ZCCHC2: variants seen among roughly 807,000 people sequenced by gnomAD.
The protein encoded by ZCCHC2 is zinc finger CCHC-type containing 2, also known as zinc finger CCHC domain-containing protein 2.
ZCCHC2 carries 39 observed loss-of-function variants against 103.6 expected under a neutral mutation model. The ratio of observed to expected loss-of-function variants is 0.38; its 90% CI spans 0.29 to 0.49. The LOEUF is 0.49. Ranked by LOEUF, ZCCHC2 falls within the 20% of genes least tolerant of loss-of-function variation. The probability of loss-of-function intolerance (pLI) is 0.96; values close to 1 mark genes in which losing one functional copy is unlikely to be tolerated. For synonymous variants in ZCCHC2, 687 were observed against 608.9 expected, an observed-to-expected ratio of 1.13 and a Z score of -1.89; for missense variants, 1,483 against 1,491.0, an observed-to-expected ratio of 0.99 and a Z score of 0.09.
chr18:62,544,935 A>C, intron 4 of ZCCHC2, 62 bp downstream of exon 4: 52 of 1,324,364 alleles, frequency 3.9e-5, no homozygotes, highest in Non-Finnish European at 4.5e-5. Flanking sequence ...CAGAAACCTC[A>C]ACGTCAAAAA....
Position 62,523,349 on chromosome 18 carries a change from C to A in ZCCHC2, c.-76C>A. ...GGCCCCGCTCCTGACGGCCGCGCCG[C>A]CGCCTCGGCCCGTGCTCCACCTCGC... On this transcript the variant is annotated 5_prime_UTR_variant, in exon 1 of 14. Coordinates refer to ENST00000269499, the MANE Select transcript of ZCCHC2 (RefSeq NM_017742.6). 1.0e-6 allele frequency: 1 copy of A among 992,338 alleles called. No homozygotes were observed. The highest frequency in any genetic ancestry group is 1.8e-5 in the African/African-American group (1 of 56,978). 61.5% of individuals were successfully genotyped at this position (992,338 alleles called of 1,614,324 possible). A position where few individuals can be genotyped will look rare whatever the true frequency, so the allele number is the denominator to read the frequency against.
intron 13 of ZCCHC2, among the ~76,000 whole-genome samples, chr18:62,575,833 A>G (rs558905674): frequency 6.6e-6 from 1 of 152,160 alleles, no homozygotes; most frequent in South Asian, 2.1e-4. Flanking sequence ...GTAATGTTAA[A>G]TCTCTTGCTT....
At chr18:62,579,745 A>G (rs775245976), downstream of ZCCHC2, among the ~76,000 whole-genome samples, 2 of 151,644 alleles carry the variant, frequency 1.3e-5, no homozygotes. Context: ...TTTGTGAGAC[A>G]TGCTTTAGCT....
chr18:62,564,933 C>G (rs1475962293), intron 10 of ZCCHC2, 69 bp from the exon 11 acceptor site: 1 of 1,101,450 alleles, frequency 9.1e-7, no homozygotes, highest in Non-Finnish European at 1.3e-6. Flanking sequence ...GAAATTTTAT[C>G]AATACTGTAC....
intron 1 of ZCCHC2, among the ~76,000 whole-genome samples, chr18:62,530,262 G>C (rs1914622540): frequency 6.6e-6 from 1 of 152,122 alleles, no homozygotes; most frequent in South Asian, 2.1e-4. Flanking sequence ...GGCTTGGAGG[G>C]TTACGTTTCA....
At position 62,565,105 on chromosome 18, in the gene ZCCHC2, G is replaced by A; in HGVS notation, c.1846+9G>A. The A allele has an allele frequency of 1.3e-6, 2 of 1,597,404 alleles. No individual in the cohort carries two copies. Among genetic ancestry groups the A allele is most frequent in the Non-Finnish European group, 1.7e-6 (2 of 1,165,830 alleles). On this transcript the variant is annotated intron_variant, in intron 11 of 13. Transcript: ENST00000269499. ...TGGTGGTACTGTGAAAGGTAAGAAG[G>A]TTATTTTTCTTTCAAATACCCATCA...
rs767413371 is a variant in ZCCHC2, at chr18:62,575,118, G to A, written c.3037G>A (p.Gly1013Ser). The part of the protein sequence containing the change: ...PPQQMGSGPC[G>S]SCGRRCSCGT... The stretch of plus-strand genomic sequence containing the variant: ...GCAGCAGATGGGCTCAGGTCCTTGT[G>A]GTTCTTGTGGGCGAAGGTGCAGCTG... The change falls in exon 13 of 14, where the codon GGT becomes AGT. Residue 1013 changes from glycine to serine, a missense_variant. This residue lies in a region of ZCCHC2 where 884 missense variants were observed against 907.5 expected (regional missense o/e 0.97). Coordinates refer to ENST00000269499, the MANE Select transcript of ZCCHC2 (RefSeq NM_017742.6). The A allele has an allele frequency of 6.2e-7, 1 of 1,614,026 alleles. No individual in the cohort carries two copies. Among genetic ancestry groups the A allele is most frequent in the Non-Finnish European group, 8.5e-7 (1 of 1,179,878 alleles).
At chr18:62,553,375 T>TA (rs1230731196) in intron 5 of ZCCHC2, among the ~76,000 whole-genome samples, 1 of 152,176 alleles carries the variant, frequency 6.6e-6, no homozygotes, top group Non-Finnish European at 1.5e-5. Flanking sequence ...CAACATATTT[T>TA]ACGTCCATTT....
intron 1 of ZCCHC2, among the ~76,000 whole-genome samples, chr18:62,527,163 C>G (rs1914463874): frequency 6.6e-6 from 1 of 152,110 alleles, no homozygotes; most frequent in Non-Finnish European, 1.5e-5. Context: ...AAGTTAGCAT[C>G]TTTTTAATTC....
chr18:62,545,702 T>G (rs978600654), intron 4 of ZCCHC2, among the ~76,000 whole-genome samples: 2 of 152,242 alleles, frequency 1.3e-5, no homozygotes, highest in Admixed American at 6.5e-5. Flanking sequence ...AGTAGAGAGA[T>G]AAAGCAGAAA....
chr18:62,526,613 CCCGCCG>C (rs905748419), intron 1 of ZCCHC2, among the ~76,000 whole-genome samples: 3 of 151,992 alleles, frequency 2.0e-5, no homozygotes, highest in South Asian at 2.1e-4. Context: ...TTCTCGGCCT[CCCGCCG>C]CCGCCGCCGC....
intron 4 of ZCCHC2, among the ~76,000 whole-genome samples, chr18:62,547,492 TAGC>T (rs1170309185): frequency 1.3e-5 from 2 of 151,932 alleles, no homozygotes; most frequent in Non-Finnish European, 1.5e-5. Context: ...CCCATACAAA[TAGC>T]AGCCTGTGTC....
chr18:62,583,869 G>C (rs957753064), intron 14 of ZCCHC2, among the ~76,000 whole-genome samples: 10 of 152,160 alleles, frequency 6.6e-5, no homozygotes, highest in Non-Finnish European at 1.5e-4. Context: ...CTGAGAGGCA[G>C]GTGTCAGCTC....
chr18:62,526,770 G>A (rs1914423448), intron 1 of ZCCHC2: 2 of 152,114 alleles, frequency 1.3e-5, no homozygotes, highest in South Asian at 4.1e-4. Flanking sequence ...GCGATATAGG[G>A]TCCGTGGCGC....
chr18:62,552,959 C>G (rs986738847), intron 5 of ZCCHC2, among the ~76,000 whole-genome samples: 5 of 150,830 alleles, frequency 3.3e-5, no homozygotes, highest in African/African-American at 1.2e-4. Flanking sequence ...CAGCTTTGAT[C>G]ATACTTGGCC....
intron 1 of ZCCHC2, among the ~76,000 whole-genome samples, chr18:62,528,881 C>T (rs1392930232): frequency 6.6e-6 from 1 of 151,994 alleles, no homozygotes; most frequent in Non-Finnish European, 1.5e-5. Context: ...GATTTTTTGG[C>T]CAGGCGCAGT....
intron 6 of ZCCHC2, among the ~76,000 whole-genome samples, chr18:62,556,985 G>A (rs1343720051): frequency 6.6e-6 from 1 of 152,134 alleles, no homozygotes; most frequent in African/African-American, 2.4e-5. Flanking sequence ...CTGTCTCCTA[G>A]CATGCCCAGC....
downstream of ZCCHC2, chr18:62,578,640 C>A (rs1011148663): frequency 6.6e-6 from 1 of 152,336 alleles, no homozygotes; most frequent in South Asian, 2.1e-4. Context: ...TCATACATGG[C>A]GATTTTTTTA....
At chr18:62,564,676 A>C in intron 10 of ZCCHC2, 41 bp downstream of exon 10, 3 of 1,383,372 alleles carry the variant, frequency 2.2e-6, no homozygotes, top group Non-Finnish European at 3.0e-6. Flanking sequence ...AGCCTTTGAT[A>C]ATAGGCCTGT....
Sources: gnomAD v4.1 joint callset for allele counts (sites outside exome capture counted in the v4.1 genomes callset) on GRCh38, gnomAD v4.1.1 for gene constraint, gnomAD v4.1.1 regional missense constraint, MANE v1.5 for transcripts, NCBI Gene and HGNC (gene_info 2026-07-23, HGNC 2026-07-21) for gene names.